The following C3 variants were observed in gnomAD, a reference collection of about 807,000 sequenced individuals.
The protein encoded by C3 is complement C3.
In C3, 97 loss-of-function variants were observed where a neutral mutation model predicts 207.9. The ratio of observed to expected loss-of-function variants is 0.47; its 90% CI spans 0.40 to 0.55. The LOEUF is 0.55. Ranked by LOEUF, C3 falls within the 20% of genes least tolerant of loss-of-function variation. C3 has a pLI of 0.00. For synonymous variants in C3, 848 were observed against 857.6 expected (o/e 0.99, Z 0.20); for missense variants, 1,684 against 2,171.7 (o/e 0.78, Z 4.46).
intron 17 of C3, among the ~76,000 whole-genome samples, chr19:6,703,470 G>C (rs1967714363): frequency 6.6e-6 from 1 of 152,152 alleles, no homozygotes; most frequent in African/African-American, 2.4e-5. Flanking sequence ...AGCCAGGCTT[G>C]GCAGCGGGCA....
In C3 at chr19:6,718,202, C is replaced by A. The variant is rs746863266; in HGVS notation, c.434-38G>T. ...AAAGAGGCCTCGTGAGACCCTAGCC[C>A]GCCCACGCCGGTGCCCCGCCCTCTC... On this transcript the variant is annotated intron_variant, in intron 3 of 40. Coordinates refer to ENST00000245907, the MANE Select transcript of C3 (RefSeq NM_000064.4). 6.2e-6 allele frequency: 10 copies of A among 1,613,910 alleles called. No individual in the cohort carries two copies. The South Asian group carries it at 7.7e-5, about 12-fold the overall frequency.
intron 28 of C3, 156 bp from the exon 29 acceptor site, chr19:6,686,443 T>C: frequency 1.3e-6 from 1 of 796,984 alleles, no homozygotes; most frequent in South Asian, 1.4e-5. Flanking sequence ...CTGCCTTACC[T>C]CTCTTGTTTC....
rs1203703051 is a variant in C3, at chr19:6,719,497, A to G, written c.75-94T>C. ...CAGCGCCTGGCAGGCTGTGTGCCCCAGCCTCTGGTCCTGGAGAGGATCCAG... is the reference window on the plus strand; with the variant it reads ...CAGCGCCTGGCAGGCTGTGTGCCCCGGCCTCTGGTCCTGGAGAGGATCCAG... On this transcript the variant is annotated intron_variant, in intron 1 of 40. Coordinates refer to ENST00000245907, the MANE Select transcript of C3 (RefSeq NM_000064.4). This position sits in a 1 kb window ranked among gnomAD's most constrained non-coding sequence, Gnocchi z 5.4. 2.2e-5 allele frequency: 25 copies of G among 1,159,212 alleles called. 1 individual carries two copies. Among genetic ancestry groups the G allele is most frequent in the Non-Finnish European group, 2.9e-5 (23 of 787,504 alleles). 71.8% of individuals were successfully genotyped at this position (1,159,212 alleles called of 1,614,324 possible).
chr19:6,711,845 A>G (rs1156675717), intron 11 of C3, among the ~76,000 whole-genome samples: 2 of 152,160 alleles, frequency 1.3e-5, no homozygotes, highest in Admixed American at 1.3e-4. Context: ...AACACTACAC[A>G]ACCCTCCTTG....
chr19:6,694,687 G>GGT, intron 23 of C3, 53 bp from the exon 24 acceptor site: 1 of 1,550,594 alleles, frequency 6.4e-7, no homozygotes, highest in Non-Finnish European at 8.8e-7. Flanking sequence ...GACCCACCTT[G>GGT]GGGTGGCGTG....
At chr19:6,710,526 A>G in intron 13 of C3, 113 bp downstream of exon 13, 1 of 789,872 alleles carries the variant, frequency 1.3e-6, no homozygotes, top group Non-Finnish European at 2.1e-6. Context: ...AAGAGAGAGA[A>G]AGGAGAGAGA....
intron 21 of C3, 118 bp from the exon 22 acceptor site, chr19:6,696,777 C>T (rs1296011790): frequency 8.8e-6 from 9 of 1,018,326 alleles, no homozygotes; most frequent in South Asian, 7.6e-5. Context: ...CGCGGTGGCT[C>T]GTGCCTGTGA....
rs1212127248 is a variant in C3 at position 6,719,119 on chromosome 19, A to G, written c.267+92T>C. On this transcript the variant is annotated intron_variant, in intron 2 of 40. Transcript: ENST00000245907. This position sits in a 1 kb window ranked among gnomAD's most constrained non-coding sequence, Gnocchi z 5.4. Reference sequence around the variant, plus strand: ...TCTCAGGGAAGGGCAGGGCTTAGAAAGGGAGAAGACAGAAGGGGAGGGGCT... The same window carrying G: ...TCTCAGGGAAGGGCAGGGCTTAGAAGGGGAGAAGACAGAAGGGGAGGGGCT... The G allele has an allele frequency of 4.0e-5, 44 of 1,102,166 alleles. No individual in the cohort carries two copies. Among genetic ancestry groups the G allele is most frequent in the Non-Finnish European group, 5.7e-5 (42 of 740,440 alleles). 68.3% of individuals were successfully genotyped at this position (1,102,166 alleles called of 1,614,324 possible).
At chr19:6,699,136 T>C in intron 19 of C3, among the ~76,000 whole-genome samples, 1 of 152,160 alleles carries the variant, frequency 6.6e-6, no homozygotes, top group East Asian at 1.9e-4. Context: ...AGTAAGTGAA[T>C]TAAATCTTAA....
At chr19:6,717,597 TTG>T (rs1369123030) in intron 4 of C3, 4 of 257,170 alleles carry the variant, frequency 1.6e-5, no homozygotes, top group African/African-American at 2.3e-5. Context: ...GTGTTGTGTG[TTG>T]TGTGTGTTTG....
At chr19:6,689,355 C>CTGT (rs1568213538) in intron 27 of C3, among the ~76,000 whole-genome samples, 5 of 61,326 alleles carry the variant, frequency 8.2e-5, no homozygotes, top group African/African-American at 3.2e-4. Flanking sequence ...CTCCCTCCCT[C>CTGT]CCTCCCTCTC....
At chr19:6,717,945 T>C (rs552831918) in intron 4 of C3, 149 bp downstream of exon 4, 555 of 781,054 alleles carry the variant, frequency 7.1e-4, no homozygotes, top group Admixed American at 1.1e-3. Flanking sequence ...TATGTGTGTG[T>C]GTTGTGTGGG....
At chr19:6,708,008 C>T (rs1967819061) in intron 14 of C3, 79 bp from the exon 15 acceptor site, 1 of 1,568,182 alleles carries the variant, frequency 6.4e-7, no homozygotes, top group Non-Finnish European at 8.7e-7. Flanking sequence ...ACCTGTGTAT[C>T]TCTTCCCAAA....
intron 2 of C3, 140 bp from the exon 3 acceptor site, chr19:6,718,552 G>T: frequency 1.1e-6 from 1 of 918,242 alleles, no homozygotes; most frequent in Non-Finnish European, 1.7e-6. Context: ...GGAGGGAGGG[G>T]CATGTGAAGG....
In C3 at chr19:6,719,400, G is replaced by A. The variant is rs1165570505; in HGVS notation, c.78C>T (p.Tyr26=). The change falls in exon 2 of 41, where the codon TAC becomes TAT. Residue 26 remains tyrosine (Y), a synonymous_variant. Transcript: ENST00000245907. This position sits in a 1 kb window ranked among gnomAD's most constrained non-coding sequence, Gnocchi z 5.4. ...HLPLALGSPM[Y]SIITPNILRL... is the part of the protein sequence containing the mutation. ...GCAAGATGTTGGGGGTGATGATAGA[G>A]TACCTGTCGGAGTGGGGCACGGGAG... The A allele has an allele frequency of 2.5e-6, 4 of 1,613,826 alleles. No homozygotes were observed. The highest frequency in any genetic ancestry group is 3.4e-6 in the Non-Finnish European group (4 of 1,179,790).
Position 6,719,201 on chromosome 19 carries a change from C to G in C3, c.267+10G>C. ...GGTGTCAGCCGGGTCCTGCGCCAGT[C>G]TGCACTCACCGTGAAGGTGACGTTG... is the stretch of plus-strand genomic sequence containing the variant. On this transcript the variant is annotated intron_variant, in intron 2 of 40. Transcript: ENST00000245907. The surrounding 1 kb of genome is among the most constrained non-coding windows in gnomAD (Gnocchi z 5.4). 1.9e-6 allele frequency: 3 copies of G among 1,613,280 alleles called. No homozygotes were observed. Among genetic ancestry groups the G allele is most frequent in the Non-Finnish European group, 2.5e-6 (3 of 1,179,346 alleles).
rs1568222925 is a variant in C3, at chr19:6,707,285, C to T, written c.2048-12G>A. 6.2e-7 allele frequency: 1 copy of T among 1,605,394 alleles called. No individual in the cohort carries two copies. Among genetic ancestry groups the T allele is most frequent in the East Asian group, 2.3e-5 (1 of 44,326 alleles). On this transcript the variant is annotated splice_polypyrimidine_tract_variant and intron_variant, in intron 16 of 40. Coordinates refer to ENST00000245907, the MANE Select transcript of C3 (RefSeq NM_000064.4). Reference sequence around the variant, plus strand: ...GGGGTACTTGCCGACTGCGGGAGCACGTGTTCCCCCAGGCCACACCCTCAG... The same window carrying T: ...GGGGTACTTGCCGACTGCGGGAGCATGTGTTCCCCCAGGCCACACCCTCAG...
chr19:6,679,602 T>C, intron 36 of C3, 106 bp from the exon 37 acceptor site: 1 of 807,022 alleles, frequency 1.2e-6, no homozygotes, highest in Non-Finnish European at 2.2e-6. Context: ...CTGGAGATGC[T>C]AGGTCTTCAA....
chr19:6,715,610 TTTTTTTTTG>T (rs1968013436), intron 4 of C3, among the ~76,000 whole-genome samples: 5 of 148,088 alleles, frequency 3.4e-5, no homozygotes, highest in Admixed American at 2.7e-4. Flanking sequence ...AAAAATCTGT[TTTTTTTTTG>T]TTTTTTTTGT....
Sources: allele counts gnomAD v4.1 joint callset (sites outside exome capture counted in the v4.1 genomes callset), GRCh38; gene constraint gnomAD v4.1.1; non-coding constraint Gnocchi (gnomAD v3.1); transcripts MANE v1.5; gene names NCBI Gene and HGNC (gene_info 2026-07-23, HGNC 2026-07-21).